SULF1: variants seen among roughly 807,000 people sequenced by gnomAD.
SULF1 encodes the protein extracellular sulfatase Sulf-1.
SULF1 carries 46 observed loss-of-function variants against 110.5 expected under a neutral mutation model. The ratio of observed to expected loss-of-function variants is 0.42; its 90% CI spans 0.33 to 0.53. The LOEUF (loss-of-function observed/expected upper bound fraction) is 0.53. Among genes scored for constraint, SULF1 ranks in the 20% least tolerant of loss-of-function variants. The pLI is 0.12. For missense variants in SULF1, 941 were observed against 1,094.2 expected (o/e 0.86, Z 1.98); for synonymous variants, 371 against 387.1 (o/e 0.96, Z 0.49).
chr8:69,521,696 G>A (rs1223640625), intron 3 of SULF1, among the ~76,000 whole-genome samples: 2 of 152,128 alleles, frequency 1.3e-5, no homozygotes, highest in Non-Finnish European at 2.9e-5. Context: ...GGAGGCCATG[G>A]GAAGGATTTT....
At chr8:69,574,133 C>T (rs1331757871) in intron 5 of SULF1, among the ~76,000 whole-genome samples, 1 of 152,212 alleles carries the variant, frequency 6.6e-6, no homozygotes, top group African/African-American at 2.4e-5. Flanking sequence ...GCAGCAGCAA[C>T]ACCTTACAAA....
chr8:69,632,055 A>AAT (rs1352843504), intron 19 of SULF1, among the ~76,000 whole-genome samples: 1 of 152,228 alleles, frequency 6.6e-6, no homozygotes, highest in African/African-American at 2.4e-5. Flanking sequence ...TAGGTGAATA[A>AAT]ATAAACAAAC....
At chr8:69,541,913 A>G (rs1188871528) in intron 3 of SULF1, among the ~76,000 whole-genome samples, 1 of 152,238 alleles carries the variant, frequency 6.6e-6, no homozygotes, top group African/African-American at 2.4e-5. Flanking sequence ...CACTGAAAAT[A>G]TTTGATCTTC....
At chr8:69,543,771 C>T (rs1814027184) in intron 3 of SULF1, among the ~76,000 whole-genome samples, 2 of 152,132 alleles carry the variant, frequency 1.3e-5, no homozygotes, top group Non-Finnish European at 2.9e-5. Context: ...ACTGTAGCAT[C>T]CTAGCATCAC....
chr8:69,501,601 CCAGT>C (rs1243793531), intron 2 of SULF1, among the ~76,000 whole-genome samples: 3 of 152,154 alleles, frequency 2.0e-5, no homozygotes, highest in Non-Finnish European at 4.4e-5. Context: ...TCTATGAAAT[CCAGT>C]CAAAGAATGA....
At chr8:69,655,669 A>G (rs1176633474) in intron 22 of SULF1, among the ~76,000 whole-genome samples, 1 of 152,106 alleles carries the variant, frequency 6.6e-6, no homozygotes, top group Non-Finnish European at 1.5e-5. Context: ...ATCCTCCCCA[A>G]ACTACTGGGA....
chr8:69,599,682 T>C lies in SULF1; in HGVS notation c.735-921T>C, dbSNP rs1348639552. On this transcript the variant is annotated intron_variant, in intron 8 of 22. Transcript: ENST00000402687. Reference sequence around the variant, plus strand: ...CATTGAAGAAGAAGATTCAAGTAGATTATAGTCTGTTAAAGAGTTCAAATA... The same window carrying C: ...CATTGAAGAAGAAGATTCAAGTAGACTATAGTCTGTTAAAGAGTTCAAATA... Among the ~76,000 whole-genome samples the C allele has an allele frequency of 3.9e-5, 6 of 152,332 alleles. No individual in the cohort carries two copies. In the South Asian group the frequency reaches 1.0e-3, roughly 26 times the overall value.
At chr8:69,549,163 C>T (rs1814510835) in intron 3 of SULF1, among the ~76,000 whole-genome samples, 1 of 152,234 alleles carries the variant, frequency 6.6e-6, no homozygotes, top group African/African-American at 2.4e-5. Context: ...CAGCCCAAGT[C>T]CTGGAGTGAG....
intron 5 of SULF1, among the ~76,000 whole-genome samples, chr8:69,564,788 C>G (rs999325025): frequency 1.3e-5 from 2 of 152,188 alleles, no homozygotes; most frequent in Non-Finnish European, 2.9e-5. Context: ...ACCTTCTCAC[C>G]GTCTTCAATG....
At chr8:69,594,100 G>A (rs965777391) in intron 8 of SULF1, among the ~76,000 whole-genome samples, 6 of 151,442 alleles carry the variant, frequency 4.0e-5, no homozygotes, top group African/African-American at 1.2e-4. Flanking sequence ...TGCCCAGGCT[G>A]GAGTGCAATG....
rs573608957 is a variant in SULF1 at position 69,642,166 on chromosome 8, T to G, written c.2585+1325T>G. ...TCTTTATCTATATTAATATCTTCTT[T>G]ATCTATATTAATATCTTCTTCATCT... On this transcript the variant is annotated intron_variant, in intron 22 of 22. Coordinates refer to ENST00000402687, the MANE Select transcript of SULF1 (RefSeq NM_001128205.2). 9.4e-6 allele frequency: 8 copies of G among 846,906 alleles called. No individual in the cohort carries two copies. The South Asian group carries it at 3.3e-4, about 34-fold the overall frequency. The allele number at this position is 846,906 out of a possible 1,614,324, so 52.5% of individuals were successfully genotyped here.
chr8:69,605,856 G>A (rs991605373), intron 13 of SULF1, among the ~76,000 whole-genome samples: 2 of 152,334 alleles, frequency 1.3e-5, no homozygotes, highest in Admixed American at 6.5e-5. Context: ...GTAGAGTGAG[G>A]TGGGCATTGG....
intron 3 of SULF1, among the ~76,000 whole-genome samples, chr8:69,538,340 C>G (rs1813604743): frequency 6.9e-6 from 1 of 144,198 alleles, no homozygotes; most frequent in Admixed American, 7.2e-5. Flanking sequence ...TCCTTCTATG[C>G]AATGCCATGA....
chr8:69,649,972 C>CTTTTT lies in SULF1; in HGVS notation c.2586-8500_2586-8496dup, dbSNP rs536073966. 3.9e-4 allele frequency among the ~76,000 whole-genome samples: 12 copies of CTTTTT among 30,588 alleles called. 5 individuals are homozygous for CTTTTT. Among genetic ancestry groups the CTTTTT allele is most frequent in the East Asian group, 2.1e-3 (2 of 970 alleles). 20.1% of individuals were successfully genotyped at this position (30,588 alleles called of 152,430 possible). ...CCCACTCTGTAATTCCTCCTGCTTG[C>CTTTTT]TTTTTTTTTTTTTTTTTTTTTTTTT... On this transcript the variant is annotated intron_variant, in intron 22 of 22. Transcript: ENST00000402687.
At chr8:69,591,309 C>T (rs546916949) in intron 8 of SULF1, among the ~76,000 whole-genome samples, 111 of 152,186 alleles carry the variant, frequency 7.3e-4, no homozygotes, top group South Asian at 1.2e-3. Flanking sequence ...AATCTCAGCA[C>T]TTTGGGAGGC....
At chr8:69,613,762 A>G (rs534024617) in intron 13 of SULF1, among the ~76,000 whole-genome samples, 4 of 152,278 alleles carry the variant, frequency 2.6e-5, no homozygotes, top group African/African-American at 9.6e-5. Flanking sequence ...CCAGGATTGG[A>G]TAAACTTTTT....
upstream of SULF1, among the ~76,000 whole-genome samples, chr8:69,488,380 G>T (rs1342625555): frequency 3.3e-5 from 5 of 152,178 alleles, no homozygotes; most frequent in Non-Finnish European, 7.3e-5. Context: ...CTACAGTTAA[G>T]CCATCTCAGG....
At chr8:69,637,279 T>C (rs776425128) in intron 19 of SULF1, among the ~76,000 whole-genome samples, 2 of 152,198 alleles carry the variant, frequency 1.3e-5, no homozygotes, top group African/African-American at 2.4e-5. Context: ...GGTCCACCAC[T>C]ACACTCCTCA....
intron 13 of SULF1, among the ~76,000 whole-genome samples, chr8:69,612,551 A>G (rs1808747510): frequency 6.6e-6 from 1 of 151,876 alleles, no homozygotes; most frequent in Non-Finnish European, 1.5e-5. Context: ...CCATGCTTGC[A>G]GGAATAAGGT....
Sources: allele counts gnomAD v4.1 joint callset (sites outside exome capture counted in the v4.1 genomes callset), GRCh38; gene constraint gnomAD v4.1.1; transcripts MANE v1.5; gene names NCBI Gene and HGNC (gene_info 2026-07-23, HGNC 2026-07-21).